The following FBN2 variants were observed in gnomAD, a reference collection of about 807,000 sequenced individuals.
The protein encoded by FBN2 is fibrillin-2.
In FBN2, 105 loss-of-function variants were observed where a neutral mutation model predicts 355.6. The observed-to-expected ratio is 0.30, with a 90% confidence interval of 0.25 to 0.35. The LOEUF (loss-of-function observed/expected upper bound fraction) is 0.35. FBN2 is among the 10% of genes least tolerant of loss of function. FBN2 has a pLI of 1.00. For missense variants in FBN2, 3,280 were observed against 3,758.7 expected (o/e 0.87, Z 3.33); for synonymous variants, 1,350 against 1,301.2 (o/e 1.04, Z -0.81).
chr5:128,278,289 A>G (rs888202467), intron 57 of FBN2, among the ~76,000 whole-genome samples: 1 of 152,168 alleles, frequency 6.6e-6, no homozygotes, highest in African/African-American at 2.4e-5. Flanking sequence ...GAATCTAGAA[A>G]GCTACCCCCT....
At chr5:128,276,372 T>C (rs1206908642) in intron 58 of FBN2, among the ~76,000 whole-genome samples, 5 of 152,208 alleles carry the variant, frequency 3.3e-5, no homozygotes, top group Non-Finnish European at 5.9e-5. Context: ...GTAAATATTA[T>C]GATGTCTAGA....
At chr5:128,344,014 T>C (rs989591185) in intron 25 of FBN2, among the ~76,000 whole-genome samples, 1 of 152,142 alleles carries the variant, frequency 6.6e-6, no homozygotes, top group African/African-American at 2.4e-5. Flanking sequence ...GAGGACCACT[T>C]GAAGCCAGGA....
intron 6 of FBN2, among the ~76,000 whole-genome samples, chr5:128,462,449 C>A (rs1359227833): frequency 6.6e-6 from 1 of 152,130 alleles, no homozygotes; most frequent in East Asian, 1.9e-4. Context: ...AACTTTCTGA[C>A]TATGCCATGA....
At chr5:128,414,811 T>G (rs544849879) in intron 7 of FBN2, among the ~76,000 whole-genome samples, 2 of 152,248 alleles carry the variant, frequency 1.3e-5, no homozygotes, top group South Asian at 2.1e-4. Context: ...ATCTACTTTT[T>G]TTTTTGCTTG....
rs1292570631 is a variant in FBN2, at chr5:128,312,721, C to T, written c.4792G>A (p.Gly1598Arg). The change falls in exon 37 of 65, where the codon GGG (glycine) becomes AGG (arginine). Residue 1598 changes from glycine (G) to arginine (R), a missense_variant. By Grantham distance (125) the Gly-to-Arg change is moderately radical. This residue lies in a region of FBN2 where 2,284 missense variants were observed against 2,749.5 expected (regional missense o/e 0.83). Coordinates refer to ENST00000262464, the MANE Select transcript of FBN2 (RefSeq NM_001999.4). ...CATGAAGAGCGACTGACGCCCACCCCGATCTCGGTGTTGCAAGACAGACTC... is the reference window on the plus strand; with the variant it reads ...CATGAAGAGCGACTGACGCCCACCCTGATCTCGGTGTTGCAAGACAGACTC... ...DGSLSCNTEI[G>R]VGVSRSSCCC... 2 of 1,613,998 alleles carry T rather than the reference C, an allele frequency of 1.2e-6. No individual in the cohort carries two copies. Among genetic ancestry groups the T allele is most frequent in the Non-Finnish European group, 1.7e-6 (2 of 1,179,984 alleles).
chr5:128,393,812 T>C (rs1282885493), intron 9 of FBN2, among the ~76,000 whole-genome samples: 1 of 152,242 alleles, frequency 6.6e-6, no homozygotes, highest in Admixed American at 6.5e-5. Context: ...TAGGTATTAA[T>C]ATTGCTCCAG....
At chr5:128,263,105 G>A (rs989583268) in intron 63 of FBN2, among the ~76,000 whole-genome samples, 20 of 152,210 alleles carry the variant, frequency 1.3e-4, no homozygotes, top group Non-Finnish European at 2.4e-4. Context: ...CCATGGCAAC[G>A]TGTGAGCCGC....
At chr5:128,266,197 C>T (rs766496878) in intron 62 of FBN2, among the ~76,000 whole-genome samples, 9 of 152,210 alleles carry the variant, frequency 5.9e-5, no homozygotes, top group Non-Finnish European at 1.3e-4. Context: ...TAGAGACAAG[C>T]TGGATTCCTC....
chr5:128,465,801 C>T (rs1313905617), intron 5 of FBN2, among the ~76,000 whole-genome samples: 3 of 152,180 alleles, frequency 2.0e-5, no homozygotes, highest in Non-Finnish European at 1.5e-5. Flanking sequence ...TAAGTACAGT[C>T]CATTTAGATC....
intron 20 of FBN2, among the ~76,000 whole-genome samples, chr5:128,355,324 C>T (rs777043473): frequency 1.3e-5 from 2 of 152,178 alleles, no homozygotes; most frequent in Non-Finnish European, 2.9e-5. Context: ...ATAGAACCAT[C>T]AAACCACAGC....
rs11306554 is a variant in FBN2 at position 128,502,287 on chromosome 5, CAA to C, written c.628+16984_628+16985del. On this transcript the variant is annotated intron_variant, in intron 5 of 64. Transcript: ENST00000262464. ...GCTTTTCACTAAAACTTATACAGAA[CAA>C]AAAAAAAAAAATAATTATAAAGTAA... 2.9e-3 allele frequency among the ~76,000 whole-genome samples: 428 copies of C among 146,088 alleles called. 4 individuals are homozygous for C. Among genetic ancestry groups the C allele is most frequent in the Middle Eastern group, 0.021 (6 of 284 alleles).
intron 5 of FBN2, among the ~76,000 whole-genome samples, chr5:128,498,932 C>T (rs370124456): frequency 1.3e-5 from 2 of 152,070 alleles, no homozygotes; most frequent in African/African-American, 4.8e-5. Context: ...ATAAAGCTTC[C>T]CATTCATTTA....
intron 6 of FBN2, among the ~76,000 whole-genome samples, chr5:128,464,036 G>T (rs1157234202): frequency 6.6e-6 from 1 of 152,108 alleles, no homozygotes; most frequent in East Asian, 1.9e-4. Flanking sequence ...GCTAGAAAAA[G>T]GTAAGAATTG....
intron 28 of FBN2, among the ~76,000 whole-genome samples, 172 bp downstream of exon 28, chr5:128,335,816 T>A (rs1261069654): frequency 6.6e-6 from 1 of 152,228 alleles, no homozygotes; most frequent in African/African-American, 2.4e-5. Context: ...ATTTTCTACA[T>A]TAAGATGAGT....
intron 7 of FBN2, among the ~76,000 whole-genome samples, chr5:128,437,332 T>C (rs781560742): frequency 2.6e-5 from 4 of 152,186 alleles, no homozygotes; most frequent in Admixed American, 6.5e-5. Flanking sequence ...CAGCATGCAA[T>C]TACATAGATC....
chr5:128,322,035 A>G (rs1343403431), intron 34 of FBN2, among the ~76,000 whole-genome samples: 2 of 152,128 alleles, frequency 1.3e-5, no homozygotes, highest in African/African-American at 4.8e-5. Context: ...GCATTTCTCT[A>G]ATGACCAGTG....
At chr5:128,282,967 A>G (rs573800476) in intron 55 of FBN2, among the ~76,000 whole-genome samples, 62 of 152,242 alleles carry the variant, frequency 4.1e-4, no homozygotes, top group African/African-American at 1.5e-3. Context: ...ATCCTACTAT[A>G]CTTCTTAGTA....
intron 7 of FBN2, among the ~76,000 whole-genome samples, chr5:128,437,815 T>C (rs185304182): frequency 0.029 from 3,203 of 109,204 alleles, 44 homozygotes; most frequent in East Asian, 0.043. Flanking sequence ...GATAGATAGA[T>C]AGATAGACAG....
intron 7 of FBN2, among the ~76,000 whole-genome samples, chr5:128,421,241 G>T (rs796563665): frequency 1.4e-4 from 21 of 152,290 alleles, no homozygotes; most frequent in African/African-American, 5.1e-4. Flanking sequence ...CAAGGAGAGT[G>T]ATCAGAACTT....
Sources: allele counts gnomAD v4.1 joint callset (sites outside exome capture counted in the v4.1 genomes callset), GRCh38; gene constraint gnomAD v4.1.1; regional missense constraint gnomAD v4.1.1; transcripts MANE v1.5; gene names NCBI Gene and HGNC (gene_info 2026-07-23, HGNC 2026-07-21).